ATRNL1: variants seen among roughly 807,000 people sequenced by gnomAD.
ATRNL1 encodes attractin-like protein 1.
ATRNL1 carries 95 observed loss-of-function variants against 182.7 expected under a neutral mutation model. The observed-to-expected ratio is 0.52, with a 90% confidence interval of 0.44 to 0.62. The LOEUF (loss-of-function observed/expected upper bound fraction) is 0.62. ATRNL1 is among the 20% of genes least tolerant of loss of function. The pLI is 0.00. For synonymous variants in ATRNL1, 576 were observed against 568.3 expected (o/e 1.01, Z -0.19); for missense variants, 1,471 against 1,679.5 (o/e 0.88, Z 2.17).
intron 28 of ATRNL1, among the ~76,000 whole-genome samples, chr10:115,921,346 T>C (rs1555118712): frequency 6.6e-6 from 1 of 152,096 alleles, no homozygotes; most frequent in Non-Finnish European, 1.5e-5. Flanking sequence ...GTCTCAGAAG[T>C]TTATATGTGA....
chr10:115,912,132 A>G (rs958333495), intron 28 of ATRNL1, among the ~76,000 whole-genome samples: 2 of 152,194 alleles, frequency 1.3e-5, no homozygotes, highest in Admixed American at 6.5e-5. Flanking sequence ...GTCATCATCA[A>G]TAATGAAGAT....
intron 26 of ATRNL1, among the ~76,000 whole-genome samples, chr10:115,562,017 T>G (rs1853786235): frequency 6.6e-6 from 1 of 152,132 alleles, no homozygotes; most frequent in South Asian, 2.1e-4. Context: ...AATTCCACTC[T>G]TAGGTGAATA....
At chr10:115,388,408 G>C (rs1302960640) in intron 19 of ATRNL1, among the ~76,000 whole-genome samples, 1 of 151,906 alleles carries the variant, frequency 6.6e-6, no homozygotes. Context: ...ATGCTTTTTT[G>C]GTTTAAGTTT....
intron 20 of ATRNL1, among the ~76,000 whole-genome samples, chr10:115,403,257 C>CATTTT (rs782077494): frequency 9.3e-6 from 1 of 107,470 alleles, no homozygotes. Context: ...TTACTCTCAT[C>CATTTT]TTTTTTTTTT....
At chr10:115,326,127 A>G (rs1482262111) in intron 18 of ATRNL1, among the ~76,000 whole-genome samples, 1 of 152,190 alleles carries the variant, frequency 6.6e-6, no homozygotes, top group African/African-American at 2.4e-5. Flanking sequence ...TCAATTAGGA[A>G]AAGAGGAAGT....
At chr10:115,504,030 T>A (rs1849982448) in intron 24 of ATRNL1, among the ~76,000 whole-genome samples, 1 of 151,982 alleles carries the variant, frequency 6.6e-6, no homozygotes, top group Non-Finnish European at 1.5e-5. Context: ...AGAAAGAATG[T>A]TTTTATACAA....
At chr10:115,918,713 G>A (rs1187186792) in intron 28 of ATRNL1, among the ~76,000 whole-genome samples, 1 of 152,156 alleles carries the variant, frequency 6.6e-6, no homozygotes, top group Non-Finnish European at 1.5e-5. Context: ...GTCAAATTGT[G>A]TAGTATGGGC....
chr10:115,588,007 A>G (rs1275471213), intron 26 of ATRNL1, among the ~76,000 whole-genome samples: 2 of 152,210 alleles, frequency 1.3e-5, no homozygotes, highest in African/African-American at 2.4e-5. Flanking sequence ...AGTAAACATG[A>G]TAAATGCAAA....
In ATRNL1 at chr10:115,478,081, A is replaced by G. The variant is rs929086855; in HGVS notation, c.3654+8752A>G. On this transcript the variant is annotated intron_variant, in intron 24 of 28. Transcript: ENST00000355044. ...GAGGAAGGTTTTTTGTTTGTTTTTT[A>G]AGTCACAGTCTTTCCATTTCTTCCT... Among the ~76,000 whole-genome samples the G allele has an allele frequency of 4.9e-4, 75 of 151,678 alleles. 1 individual carries two copies. The highest frequency in any genetic ancestry group is 1.8e-3 in the African/African-American group (74 of 41,364).
chr10:115,624,087 C>CT (rs1466565726), intron 26 of ATRNL1, among the ~76,000 whole-genome samples: 10 of 152,004 alleles, frequency 6.6e-5, no homozygotes, highest in African/African-American at 2.4e-4. Flanking sequence ...ATATCTATTG[C>CT]TGAATTTATG....
Position 115,667,185 on chromosome 10 carries a change from G to A in ATRNL1, c.3796-60063G>A, listed in dbSNP as rs12266553. ...CTTCCTTACACTTTGTCTTCCAGTA[G>A]GTTTGGTATGGAGTATGAGATCAGG... On this transcript the variant is annotated intron_variant, in intron 26 of 28. Coordinates refer to ENST00000355044, the MANE Select transcript of ATRNL1 (RefSeq NM_207303.4). 1.0e-2 allele frequency among the ~76,000 whole-genome samples: 1,519 copies of A among 152,126 alleles called. 29 individuals carry two copies. The highest frequency in any genetic ancestry group is 0.035 in the African/African-American group (1,437 of 41,500).
At chr10:115,698,670 C>T (rs986373420) in intron 26 of ATRNL1, among the ~76,000 whole-genome samples, 6 of 151,784 alleles carry the variant, frequency 4.0e-5, no homozygotes, top group Non-Finnish European at 5.9e-5. Context: ...CCCAGCTACT[C>T]GGGAGGCTGA....
intron 26 of ATRNL1, among the ~76,000 whole-genome samples, chr10:115,572,986 C>T (rs1387820697): frequency 6.6e-6 from 1 of 152,080 alleles, no homozygotes; most frequent in Non-Finnish European, 1.5e-5. Context: ...GTGTCTGCAA[C>T]CCCAGTTTTG....
intron 24 of ATRNL1, among the ~76,000 whole-genome samples, 191 bp from the exon 25 acceptor site, chr10:115,519,072 T>A (rs554865281): frequency 6.6e-6 from 1 of 152,164 alleles, no homozygotes; most frequent in East Asian, 1.9e-4. Flanking sequence ...TTCTACACTA[T>A]GACCATCATT....
intron 27 of ATRNL1, among the ~76,000 whole-genome samples, chr10:115,771,299 C>A (rs1360289035): frequency 6.6e-6 from 1 of 150,662 alleles, no homozygotes; most frequent in Non-Finnish European, 1.5e-5. Context: ...GGCACTATCT[C>A]GGCTCACTGC....
intron 27 of ATRNL1, among the ~76,000 whole-genome samples, chr10:115,819,244 C>A (rs1474239704): frequency 6.8e-6 from 1 of 146,534 alleles, no homozygotes; most frequent in Non-Finnish European, 1.5e-5. Context: ...GTCCCTTTGG[C>A]ATCTTAAATG....
At chr10:115,620,326 G>C (rs1269069197) in intron 26 of ATRNL1, among the ~76,000 whole-genome samples, 2 of 152,104 alleles carry the variant, frequency 1.3e-5, no homozygotes, top group Admixed American at 1.3e-4. Flanking sequence ...CATGACCCAA[G>C]CACCTCTCAC....
At chr10:115,621,276 T>TATATATATAGAGAGAGAGAGAGAGAG in intron 26 of ATRNL1, among the ~76,000 whole-genome samples, 1 of 47,582 alleles carries the variant, frequency 2.1e-5, no homozygotes, top group African/African-American at 7.4e-5. Flanking sequence ...TATATATATA[T>TATATATATAGAGAGAGAGAGAGAGAG]AGAGAGAGAG....
intron 28 of ATRNL1, among the ~76,000 whole-genome samples, chr10:115,877,740 A>G (rs782291753): frequency 6.6e-6 from 1 of 152,256 alleles, no homozygotes; most frequent in Non-Finnish European, 1.5e-5. Flanking sequence ...AGCCAACCAC[A>G]TAACTATATA....
Sources: gnomAD v4.1 joint callset for allele counts (sites outside exome capture counted in the v4.1 genomes callset) on GRCh38, gnomAD v4.1.1 for gene constraint, MANE v1.5 for transcripts, NCBI Gene and HGNC (gene_info 2026-07-23, HGNC 2026-07-21) for gene names.